Variants in APPL1 observed in about 807,000 individuals in gnomAD.
APPL1 encodes the protein adaptor protein, phosphotyrosine interacting with PH domain and leucine zipper 1, also known as DCC-interacting protein 13-alpha.
APPL1 carries 42 observed loss-of-function variants against 106.8 expected under a neutral mutation model. That is an observed-to-expected ratio of 0.39 (90% confidence interval 0.31 to 0.51). The LOEUF is 0.51. APPL1 is among the 20% of genes least tolerant of loss of function. APPL1 has a pLI of 0.75. For missense variants in APPL1, 769 were observed against 858.2 expected, an observed-to-expected ratio of 0.90 and a Z score of 1.30; for synonymous variants, 263 against 281.8, an observed-to-expected ratio of 0.93 and a Z score of 0.67.
intron 4 of APPL1, among the ~76,000 whole-genome samples, chr3:57,239,067 G>A (rs2060731686): frequency 6.6e-6 from 1 of 152,310 alleles, no homozygotes; most frequent in South Asian, 2.1e-4. Flanking sequence ...CTTACATGGC[G>A]GCAGATGAGA....
intron 11 of APPL1, among the ~76,000 whole-genome samples, chr3:57,250,653 C>T (rs2060798513): frequency 6.6e-6 from 1 of 152,014 alleles, no homozygotes; most frequent in Non-Finnish European, 1.5e-5. Flanking sequence ...TTTGCAGCCA[C>T]CTATTAAAAA....
intron 1 of APPL1, among the ~76,000 whole-genome samples, chr3:57,230,931 C>T (rs2060683235): frequency 6.6e-6 from 1 of 151,892 alleles, no homozygotes; most frequent in African/African-American, 2.4e-5. Flanking sequence ...GAGTTTCGCT[C>T]TTGTCGCCTA....
rs2060662423 is a variant in APPL1 at position 57,228,052 on chromosome 3, C to G, written c.54+115C>G. Reference sequence around the variant, plus strand: ...CCGGCCCAGGTGGGGGCCGCCGCCGCCCTAGGTCACCGCCCGTCGCAGGCC... The same window carrying G: ...CCGGCCCAGGTGGGGGCCGCCGCCGGCCTAGGTCACCGCCCGTCGCAGGCC... On this transcript the variant is annotated intron_variant, in intron 1 of 21. Transcript: ENST00000288266. The surrounding 1 kb of genome is among the most constrained non-coding windows in gnomAD (Gnocchi z 4.6). The G allele has an allele frequency of 1.1e-6, 1 of 880,964 alleles. No individual in the cohort carries two copies. Among genetic ancestry groups the G allele is most frequent in the African/African-American group, 1.8e-5 (1 of 56,340 alleles). The allele number at this position is 880,964 out of a possible 1,614,324, so 54.6% of individuals were successfully genotyped here. A position where few individuals can be genotyped will look rare whatever the true frequency, so the allele number is the denominator to read the frequency against.
chr3:57,265,013 C>T (rs1327479227), intron 19 of APPL1, among the ~76,000 whole-genome samples: 1 of 152,026 alleles, frequency 6.6e-6, no homozygotes, highest in African/African-American at 2.4e-5. Flanking sequence ...ATAGGGATTG[C>T]ATTGAATCTA....
intron 7 of APPL1, among the ~76,000 whole-genome samples, chr3:57,245,383 A>C (rs1353427314): frequency 6.6e-6 from 1 of 152,160 alleles, no homozygotes; most frequent in African/African-American, 2.4e-5. Flanking sequence ...GAGAACCAGG[A>C]GGGGAGAATG....
intron 6 of APPL1, 148 bp downstream of exon 6, chr3:57,242,290 C>T (rs1038785961): frequency 9.7e-6 from 6 of 616,582 alleles, no homozygotes; most frequent in Admixed American, 3.4e-5. Flanking sequence ...ACTTAAATTA[C>T]ACTGTTTATA....
intron 19 of APPL1, among the ~76,000 whole-genome samples, chr3:57,264,607 T>A (rs913203907): frequency 6.6e-6 from 1 of 151,308 alleles, no homozygotes; most frequent in Non-Finnish European, 1.5e-5. Flanking sequence ...TTAAAAAATA[T>A]TTTTGTATAT....
rs1287325672 is a variant in APPL1, at chr3:57,270,772, C to G, written c.*1085C>G. 1.3e-5 allele frequency: 2 copies of G among 152,168 alleles called. No homozygotes were observed. Among genetic ancestry groups the G allele is most frequent in the African/African-American group, 4.8e-5 (2 of 41,394 alleles). 9.4% of individuals were successfully genotyped at this position (152,168 alleles called of 1,614,324 possible). A position where few individuals can be genotyped will look rare whatever the true frequency, so the allele number is the denominator to read the frequency against. ...TAATGTATGATAATAGAATAATTTG[C>G]ACTAATTATTGTAAATATGTCTACT... On this transcript the variant is annotated 3_prime_UTR_variant, in exon 22 of 22. Coordinates refer to ENST00000288266, the MANE Select transcript of APPL1 (RefSeq NM_012096.3).
intron 1 of APPL1, among the ~76,000 whole-genome samples, chr3:57,231,757 A>G (rs1460594598): frequency 1.3e-5 from 2 of 150,960 alleles, no homozygotes; most frequent in Admixed American, 1.3e-4. Flanking sequence ...GCAGTGAGCT[A>G]TGATCACACC....
Position 57,235,569 on chromosome 3 carries a change from A to G in APPL1, c.58A>G (p.Arg20Gly). ...EETLEDSPQT[R>G]SLLGVFEEDA... is the part of the protein sequence containing the mutation. Reference sequence around the variant, plus strand: ...TTATTGCTATTGTTTTATACAGACAAGGTCTTTACTAGGTGTATTTGAAGA... The same window carrying G: ...TTATTGCTATTGTTTTATACAGACAGGGTCTTTACTAGGTGTATTTGAAGA... Residue 20 changes from arginine to glycine, a missense_variant, in exon 2 of 22, where the codon AGG (arginine) becomes GGG (glycine). Arg to Gly is a moderately radical substitution (Grantham distance 125). Coordinates refer to ENST00000288266, the MANE Select transcript of APPL1 (RefSeq NM_012096.3). 6.3e-7 allele frequency: 1 copy of G among 1,597,110 alleles called. No homozygotes were observed. Among genetic ancestry groups the G allele is most frequent in the Non-Finnish European group, 8.6e-7 (1 of 1,165,788 alleles).
chr3:57,265,111 C>T (rs1030193399), intron 19 of APPL1, among the ~76,000 whole-genome samples: 5 of 151,828 alleles, frequency 3.3e-5, no homozygotes, highest in Non-Finnish European at 7.4e-5. Context: ...TTGGTGTCCT[C>T]TTCAATTTCT....
intron 13 of APPL1, 25 bp downstream of exon 13, chr3:57,253,763 C>A: frequency 7.3e-7 from 1 of 1,372,324 alleles, no homozygotes; most frequent in Non-Finnish European, 9.5e-7. Context: ...TTATGTTACC[C>A]AGATCTAGCA....
chr3:57,235,970 A>G (rs1579380981), intron 2 of APPL1, among the ~76,000 whole-genome samples: 1 of 152,060 alleles, frequency 6.6e-6, no homozygotes, highest in East Asian at 1.9e-4. Flanking sequence ...GATTTGAATG[A>G]AGACCCCATG....
intron 19 of APPL1, 102 bp downstream of exon 19, chr3:57,260,876 T>G: frequency 1.6e-6 from 2 of 1,216,634 alleles, no homozygotes; most frequent in Non-Finnish European, 2.2e-6. Context: ...TAGTTAGTAA[T>G]TACTGATTGA....
chr3:57,244,224 C>CCT (rs2060760992), intron 7 of APPL1, among the ~76,000 whole-genome samples: 1 of 151,434 alleles, frequency 6.6e-6, no homozygotes, highest in African/African-American at 2.4e-5. Flanking sequence ...GGCTCCGTCT[C>CCT]GGCTCACTGC....
intron 4 of APPL1, 143 bp downstream of exon 4, chr3:57,238,259 C>T: frequency 1.7e-6 from 1 of 579,542 alleles, no homozygotes; most frequent in Non-Finnish European, 3.0e-6. Context: ...GCTGGCTCAT[C>T]AAAACAATAC....
At chr3:57,238,009 A>G (rs371737719) in intron 3 of APPL1, 36 bp from the exon 4 acceptor site, 10 of 1,512,850 alleles carry the variant, frequency 6.6e-6, no homozygotes, top group Non-Finnish European at 9.1e-6. Context: ...AAGACACAGC[A>G]TTGAAACTTT....
At chr3:57,230,200 G>A (rs1227547747) in intron 1 of APPL1, among the ~76,000 whole-genome samples, 2 of 151,844 alleles carry the variant, frequency 1.3e-5, no homozygotes, top group Non-Finnish European at 2.9e-5. Context: ...TGGATCTAGG[G>A]TTGACGAGGT....
At chr3:57,269,212 G>A (rs909164961) in intron 21 of APPL1, 10 of 176,440 alleles carry the variant, frequency 5.7e-5, no homozygotes, top group Non-Finnish European at 9.5e-5. Flanking sequence ...GAGGGGAAGG[G>A]AAAGGAGTGT....
Sources: gnomAD v4.1 joint callset for allele counts (sites outside exome capture counted in the v4.1 genomes callset) on GRCh38, gnomAD v4.1.1 for gene constraint, Gnocchi (gnomAD v3.1) non-coding constraint, MANE v1.5 for transcripts, NCBI Gene and HGNC (gene_info 2026-07-23, HGNC 2026-07-21) for gene names.